KCNQ1: variants seen among roughly 807,000 people sequenced by gnomAD.
KCNQ1 encodes potassium voltage-gated channel subfamily Q member 1, also known as potassium voltage-gated channel subfamily KQT member 1.
Under a neutral mutation model 72.4 loss-of-function variants are expected in KCNQ1, and 49 were observed. That is an observed-to-expected ratio of 0.68 (90% CI 0.54 to 0.86). The LOEUF (loss-of-function observed/expected upper bound fraction) is 0.86. Among genes scored for constraint, KCNQ1 ranks in the 40% least tolerant of loss-of-function variants. The pLI, the probability that KCNQ1 is intolerant of heterozygous loss-of-function variation, is 0.00. For missense variants in KCNQ1, 790 were observed against 945.1 expected, an observed-to-expected ratio of 0.84 and a Z score of 2.15; for synonymous variants, 450 against 412.6, an observed-to-expected ratio of 1.09 and a Z score of -1.10.
In KCNQ1 at chr11:2,583,509, C is replaced by G; in HGVS notation, c.996C>G (p.Phe332Leu). Reference protein sequence around the residue: ...TWVGKTIASCFSVFAISFFAL... With the variant: ...TWVGKTIASCLSVFAISFFAL... The stretch of plus-strand genomic sequence containing the variant: ...TCGGGAAGACCATCGCCTCCTGCTT[C>G]TCTGTCTTTGCCATCTCCTTCTTTG... Residue 332 changes from phenylalanine to leucine, a missense_variant, in exon 7 of 16, where the codon TTC becomes TTG. Transcript: ENST00000155840. The G allele has an allele frequency of 6.2e-7, 1 of 1,614,058 alleles. No individual in the cohort carries two copies. The highest frequency in any genetic ancestry group is 1.1e-5 in the South Asian group (1 of 91,086).
chr11:2,577,702 A>T (rs990112089), intron 6 of KCNQ1, among the ~76,000 whole-genome samples: 1 of 151,802 alleles, frequency 6.6e-6, no homozygotes, highest in East Asian at 1.9e-4. Flanking sequence ...CCCCACCCCC[A>T]CCTGGTGGCG....
At position 2,588,916 on chromosome 11, in the gene KCNQ1, G is replaced by T. The variant is rs2133761155; in HGVS notation, c.1393+62G>T. The T allele has an allele frequency of 6.3e-7, 1 of 1,575,318 alleles. No homozygotes were observed. The highest frequency in any genetic ancestry group is 1.1e-5 in the South Asian group (1 of 88,542). ...GGGAAGGTCACTGCCTTTTTTGGGAGCCCGAGCAAGCCAGTGAGTTTCTCC... is the reference window on the plus strand; with the variant it reads ...GGGAAGGTCACTGCCTTTTTTGGGATCCCGAGCAAGCCAGTGAGTTTCTCC... On this transcript the variant is annotated intron_variant, in intron 10 of 15. Transcript: ENST00000155840. This position sits in a 1 kb window ranked among gnomAD's most constrained non-coding sequence, Gnocchi z 5.6.
chr11:2,527,546 A>C (rs1213820491), intron 1 of KCNQ1, among the ~76,000 whole-genome samples: 1 of 151,700 alleles, frequency 6.6e-6, no homozygotes, highest in Non-Finnish European at 1.5e-5. Context: ...CCAAAAGAAA[A>C]CCCCACGCCC....
At chr11:2,461,510 G>C in intron 1 of KCNQ1, 1 of 1,324,638 alleles carries the variant, frequency 7.5e-7, no homozygotes. Context: ...CTTTGCGCCT[G>C]CACATGTGTG....
rs1405041561 is a variant in KCNQ1 at position 2,642,102 on chromosome 11, C to T, written c.1394-19859C>T. ...TTGCTCAGAATTGCTGTGGCTATTC[C>T]AGCTCTTTTTTGGTTCCATCTGAAT... is the stretch of plus-strand genomic sequence containing the variant. On this transcript the variant is annotated intron_variant, in intron 10 of 15. Coordinates refer to ENST00000155840, the MANE Select transcript of KCNQ1 (RefSeq NM_000218.3). This position sits in a 1 kb window ranked among gnomAD's most constrained non-coding sequence, Gnocchi z 4.3. 1 of 398,110 alleles carries T rather than the reference C, an allele frequency of 2.5e-6. No individual in the cohort carries two copies. Among genetic ancestry groups the T allele is most frequent in the African/African-American group, 2.1e-5 (1 of 48,564 alleles). 24.7% of individuals were successfully genotyped at this position (398,110 alleles called of 1,614,324 possible). A position where few individuals can be genotyped will look rare whatever the true frequency, so the allele number is the denominator to read the frequency against.
chr11:2,697,584 C>T (rs564255633), intron 11 of KCNQ1: 22 of 398,582 alleles, frequency 5.5e-5, no homozygotes, highest in African/African-American at 2.7e-4. Flanking sequence ...CACACATAGG[C>T]GTTAAACTTT....
intron 2 of KCNQ1, among the ~76,000 whole-genome samples, chr11:2,570,321 G>T (rs1250222682): frequency 6.6e-6 from 1 of 152,240 alleles, no homozygotes; most frequent in African/African-American, 2.4e-5. Context: ...GGTTCCTGGT[G>T]TGGGGCCCCC....
chr11:2,510,825 C>T (rs1030186329), intron 1 of KCNQ1, among the ~76,000 whole-genome samples: 1 of 152,180 alleles, frequency 6.6e-6, no homozygotes, highest in Non-Finnish European at 1.5e-5. Flanking sequence ...GGCCTTCCTC[C>T]GATCACAGTG....
chr11:2,459,671 C>T (rs900899493), intron 1 of KCNQ1, among the ~76,000 whole-genome samples: 6 of 152,080 alleles, frequency 3.9e-5, no homozygotes, highest in South Asian at 2.1e-4. Flanking sequence ...ACCGTGAGGG[C>T]GTGGTCCCTC....
intron 10 of KCNQ1, chr11:2,619,576 A>C (rs570319714): frequency 7.5e-6 from 3 of 398,494 alleles, no homozygotes; most frequent in African/African-American, 6.2e-5. Flanking sequence ...CCAATATTTT[A>C]TTAAGGATTT....
rs908973136 is a variant in KCNQ1, at chr11:2,445,583, AC to A, written c.386+103del. 6 of 1,374,854 alleles carry A rather than the reference AC, an allele frequency of 4.4e-6. No homozygotes were observed. In the African/African-American group the frequency reaches 8.6e-5, roughly 20 times the overall value. 85.2% of individuals were successfully genotyped at this position (1,374,854 alleles called of 1,614,324 possible). Reference sequence around the variant, plus strand: ...CGCCACCTGCCCCGTCGGAGCTGCGACCCCGGAGCAGAGGAGGGAAGGAAGT... The same window carrying A: ...CGCCACCTGCCCCGTCGGAGCTGCGACCCGGAGCAGAGGAGGGAAGGAAGT... On this transcript the variant is annotated intron_variant, in intron 1 of 15. Transcript: ENST00000155840.
At chr11:2,505,455 G>T (rs1847087757) in intron 1 of KCNQ1, among the ~76,000 whole-genome samples, 1 of 152,136 alleles carries the variant, frequency 6.6e-6, no homozygotes, top group African/African-American at 2.4e-5. Flanking sequence ...GTGGTCATGG[G>T]TCGAGTGTTC....
Position 2,595,187 on chromosome 11 carries a change from A to C in KCNQ1, c.1393+6333A>C, listed in dbSNP as rs985661748. ...GAAGAGAGTTTTATTTTATAAAATA[A>C]AACTGTCTTTATTTGCAGAAGACAT... On this transcript the variant is annotated intron_variant, in intron 10 of 15. Transcript: ENST00000155840. This position sits in a 1 kb window ranked among gnomAD's most constrained non-coding sequence, Gnocchi z 5.0. Among the ~76,000 whole-genome samples, 2 of 152,192 alleles carry C rather than the reference A, an allele frequency of 1.3e-5. No individual in the cohort carries two copies. Among genetic ancestry groups the C allele is most frequent in the Non-Finnish European group, 2.9e-5 (2 of 68,028 alleles).
intron 15 of KCNQ1, among the ~76,000 whole-genome samples, chr11:2,778,302 G>A (rs1179865440): frequency 1.3e-5 from 2 of 152,202 alleles, no homozygotes; most frequent in Non-Finnish European, 2.9e-5. Context: ...GTGGCACCAA[G>A]TGCCCCCTCC....
At chr11:2,779,858 G>A (rs1394569036) in intron 15 of KCNQ1, among the ~76,000 whole-genome samples, 5 of 152,334 alleles carry the variant, frequency 3.3e-5, no homozygotes, top group Admixed American at 2.0e-4. Context: ...TGGCCTTGAA[G>A]GCACAAAATT....
rs1185958107 is a variant in KCNQ1, at chr11:2,493,036, A to T, written c.387-34892A>T. On this transcript the variant is annotated intron_variant, in intron 1 of 15. Coordinates refer to ENST00000155840, the MANE Select transcript of KCNQ1 (RefSeq NM_000218.3). The surrounding 1 kb of genome is among the most constrained non-coding windows in gnomAD (Gnocchi z 5.3). ...AGCATCTGTTGTTTCCTGATTTTTT[A>T]GTGATCGCCATTCTAACTGGCATGA... Among the ~76,000 whole-genome samples, 1 of 152,086 alleles carries T rather than the reference A, an allele frequency of 6.6e-6. No homozygotes were observed. Among genetic ancestry groups the T allele is most frequent in the Non-Finnish European group, 1.5e-5 (1 of 68,034 alleles).
At chr11:2,628,513 T>C (rs1355426027) in intron 10 of KCNQ1, 3 of 398,378 alleles carry the variant, frequency 7.5e-6, no homozygotes, top group Non-Finnish European at 1.3e-5. Flanking sequence ...TTGCTAGTTA[T>C]ATGAGTTCCT....
intron 11 of KCNQ1, among the ~76,000 whole-genome samples, chr11:2,708,341 T>C (rs1303132715): frequency 6.6e-6 from 1 of 152,084 alleles, no homozygotes; most frequent in Non-Finnish European, 1.5e-5. Flanking sequence ...GGCAAAGCAG[T>C]GAATTGGGAG....
In KCNQ1 at chr11:2,734,087, T is replaced by C. The variant is rs567107896; in HGVS notation, c.1515-34757T>C. ...CCTTTCTAGTGGTTCTGGCCTCTGA[T>C]CACAGGCACAGTTTCAAGCTTGTCT... On this transcript the variant is annotated intron_variant, in intron 11 of 15. Coordinates refer to ENST00000155840, the MANE Select transcript of KCNQ1 (RefSeq NM_000218.3). The surrounding 1 kb of genome is among the most constrained non-coding windows in gnomAD (Gnocchi z 7.0). Among the ~76,000 whole-genome samples, 4 of 152,218 alleles carry C rather than the reference T, an allele frequency of 2.6e-5. No homozygotes were observed. In the South Asian group the frequency reaches 8.3e-4, roughly 32 times the overall value.
Sources: gnomAD v4.1 joint callset for allele counts (sites outside exome capture counted in the v4.1 genomes callset) on GRCh38, gnomAD v4.1.1 for gene constraint, Gnocchi (gnomAD v3.1) non-coding constraint, MANE v1.5 for transcripts, NCBI Gene and HGNC (gene_info 2026-07-23, HGNC 2026-07-21) for gene names.